Variants in NRG3 observed in about 807,000 individuals in gnomAD.
The protein encoded by NRG3 is neuregulin 3.
NRG3 carries 31 observed loss-of-function variants against 66.9 expected under a neutral mutation model. The observed-to-expected ratio is 0.46, with a 90% CI of 0.35 to 0.63. The LOEUF is 0.63. Ranked by LOEUF, NRG3 falls within the 20% of genes least tolerant of loss-of-function variation. NRG3 has a pLI of 0.00. For missense variants in NRG3, 910 were observed against 878.9 expected, an observed-to-expected ratio of 1.04 and a Z score of -0.45; for synonymous variants, 393 against 359.4, an observed-to-expected ratio of 1.09 and a Z score of -1.06.
At chr10:82,903,082 T>C (rs1173884100) in intron 4 of NRG3, among the ~76,000 whole-genome samples, 1 of 152,092 alleles carries the variant, frequency 6.6e-6, no homozygotes, top group African/African-American at 2.4e-5. Flanking sequence ...TAAAAGTTGT[T>C]AAAACTTACA....
At position 82,985,375 on chromosome 10, in the gene NRG3, A is replaced by T. The variant is rs1205860567; in HGVS notation, c.1861A>T (p.Ile621Leu). 1 of 1,614,184 alleles carries T rather than the reference A, an allele frequency of 6.2e-7. No homozygotes were observed. The highest frequency in any genetic ancestry group is 1.1e-5 in the South Asian group (1 of 91,090). ...GAGTATTCCAGTCAGCGATTGTCTTATAGCAGAACAACAAGAAGTGAAAAT... is the reference window on the plus strand; with the variant it reads ...GAGTATTCCAGTCAGCGATTGTCTTTTAGCAGAACAACAAGAAGTGAAAAT... ...NVSIPVSDCL[I>L]AEQQEVKILL... The change falls in exon 9 of 9, where the codon ATA becomes TTA. Residue 621 changes from isoleucine (I) to leucine (L), a missense_variant. Physicochemically the swap from Ile to Leu is conservative, Grantham distance 5 (BLOSUM62 2). Coordinates refer to ENST00000372141, the MANE Select transcript of NRG3 (RefSeq NM_001010848.4).
At chr10:82,836,782 T>G (rs1050577681) in intron 3 of NRG3, among the ~76,000 whole-genome samples, 1 of 152,026 alleles carries the variant, frequency 6.6e-6, no homozygotes, top group Non-Finnish European at 1.5e-5. Context: ...GTACACAACG[T>G]GCAGGTTAGT....
intron 1 of NRG3, among the ~76,000 whole-genome samples, chr10:82,124,564 G>A (rs942459633): frequency 6.6e-6 from 1 of 151,624 alleles, no homozygotes; most frequent in Non-Finnish European, 1.5e-5. Flanking sequence ...GGGGCCTGTC[G>A]GGGGGTGGAG....
At chr10:82,563,432 C>T (rs959896366) in intron 2 of NRG3, among the ~76,000 whole-genome samples, 6 of 151,908 alleles carry the variant, frequency 3.9e-5, no homozygotes, top group African/African-American at 1.5e-4. Flanking sequence ...GATTTTATTT[C>T]ATTTAATCAT....
intron 3 of NRG3, among the ~76,000 whole-genome samples, chr10:82,861,278 TA>T (rs140762178): frequency 0.11 from 15,994 of 152,100 alleles, 983 homozygotes; most frequent in African/African-American, 0.17. Context: ...TAAGCTATTA[TA>T]AAAAATTAAT....
At chr10:82,080,668 A>G (rs990435250) in intron 1 of NRG3, among the ~76,000 whole-genome samples, 14 of 152,118 alleles carry the variant, frequency 9.2e-5, no homozygotes, top group Non-Finnish European at 1.5e-4. Flanking sequence ...CCAATTTCTG[A>G]TTTTTGCTTA....
At chr10:82,187,843 C>T (rs1441469352) in intron 1 of NRG3, among the ~76,000 whole-genome samples, 2 of 151,982 alleles carry the variant, frequency 1.3e-5, no homozygotes, top group African/African-American at 4.8e-5. Flanking sequence ...TGAAGACTGA[C>T]ATCATAGAAG....
At chr10:82,796,659 C>A (rs773792073) in intron 3 of NRG3, among the ~76,000 whole-genome samples, 1 of 152,082 alleles carries the variant, frequency 6.6e-6, no homozygotes, top group South Asian at 2.1e-4. Flanking sequence ...ATTATTTTCT[C>A]ATTTATTATT....
intron 1 of NRG3, among the ~76,000 whole-genome samples, chr10:82,346,952 C>G (rs1404749640): frequency 6.6e-5 from 10 of 152,126 alleles, no homozygotes; most frequent in Admixed American, 3.9e-4. Context: ...TGATTCTTCT[C>G]TCTTTTTTTC....
In NRG3 at chr10:82,306,610, A is replaced by C. The variant is rs745661419; in HGVS notation, c.824-52129A>C. On this transcript the variant is annotated intron_variant, in intron 1 of 8. Transcript: ENST00000372141. ...TCCCAGCTAATCGGGAGGCTGAGGC[A>C]GGAGAATGGCGTGAACCCAAGAGGC... Among the ~76,000 whole-genome samples, 6 of 148,320 alleles carry C rather than the reference A, an allele frequency of 4.0e-5. No individual in the cohort carries two copies. The East Asian group carries it at 1.3e-3, about 31-fold the overall frequency.
chr10:82,434,500 T>A lies in NRG3; in HGVS notation c.953+75632T>A, dbSNP rs573380345. ...CCAATACTATGTTGAATAGGAGTGG[T>A]GAGACTGGGCATCCTTGTCTTGCAC... On this transcript the variant is annotated intron_variant, in intron 2 of 8. Coordinates refer to ENST00000372141, the MANE Select transcript of NRG3 (RefSeq NM_001010848.4). Among the ~76,000 whole-genome samples the A allele has an allele frequency of 7.2e-5, 11 of 152,296 alleles. No individual in the cohort carries two copies. In the East Asian group the frequency reaches 2.1e-3, roughly 29 times the overall value.
chr10:82,169,748 T>G (rs1418643921), intron 1 of NRG3, among the ~76,000 whole-genome samples: 1 of 151,858 alleles, frequency 6.6e-6, no homozygotes, highest in African/African-American at 2.4e-5. Flanking sequence ...ATTTTTATTC[T>G]CTATTAAAGA....
At chr10:82,238,252 A>G (rs1403139091) in intron 1 of NRG3, among the ~76,000 whole-genome samples, 2 of 152,160 alleles carry the variant, frequency 1.3e-5, no homozygotes, top group Non-Finnish European at 2.9e-5. Context: ...TTCAGACTAC[A>G]TTCTAAGCAT....
intron 1 of NRG3, among the ~76,000 whole-genome samples, chr10:82,183,882 G>T (rs555549475): frequency 2.6e-5 from 4 of 152,196 alleles, no homozygotes; most frequent in Non-Finnish European, 4.4e-5. Flanking sequence ...TATCTCCTCC[G>T]CAAGATCATC....
rs114488990 is a variant in NRG3 at position 82,614,285 on chromosome 10, T to G, written c.954-124292T>G. Among the ~76,000 whole-genome samples, 677 of 152,304 alleles carry G rather than the reference T, an allele frequency of 4.4e-3. 10 individuals are homozygous for G. Among genetic ancestry groups the G allele is most frequent in the African/African-American group, 0.015 (636 of 41,582 alleles). ...GGAGGCAAGTTTGAAAATTTTTATTTTAGTGCAGATGTGTACAGCAGCATT... is the reference window on the plus strand; with the variant it reads ...GGAGGCAAGTTTGAAAATTTTTATTGTAGTGCAGATGTGTACAGCAGCATT... On this transcript the variant is annotated intron_variant, in intron 2 of 8. Transcript: ENST00000372141.
At chr10:82,601,254 T>C (rs2047610751) in intron 2 of NRG3, among the ~76,000 whole-genome samples, 1 of 152,238 alleles carries the variant, frequency 6.6e-6, no homozygotes, top group Non-Finnish European at 1.5e-5. Context: ...GTGATGAATA[T>C]GCTAGTGCTG....
chr10:82,435,500 G>T (rs2090078993), intron 2 of NRG3, among the ~76,000 whole-genome samples: 1 of 151,886 alleles, frequency 6.6e-6, no homozygotes, highest in South Asian at 2.1e-4. Flanking sequence ...TTTTGGATTA[G>T]TTTGCTCTTG....
At chr10:82,924,036 C>G (rs1846727902) in intron 4 of NRG3, among the ~76,000 whole-genome samples, 1 of 144,326 alleles carries the variant, frequency 6.9e-6, no homozygotes, top group Non-Finnish European at 1.5e-5. Context: ...AGGCAGTGAG[C>G]CGAGATCATG....
At chr10:82,316,083 G>A (rs1279170460) in intron 1 of NRG3, among the ~76,000 whole-genome samples, 1 of 152,164 alleles carries the variant, frequency 6.6e-6, no homozygotes, top group Non-Finnish European at 1.5e-5. Flanking sequence ...ACCTGGTGCT[G>A]TGACTGGGGC....
Sources: gnomAD v4.1 joint callset for allele counts (sites outside exome capture counted in the v4.1 genomes callset) on GRCh38, gnomAD v4.1.1 for gene constraint, MANE v1.5 for transcripts, NCBI Gene and HGNC (gene_info 2026-07-23, HGNC 2026-07-21) for gene names.